The following ADAM10 variants were observed in gnomAD, a reference collection of about 807,000 sequenced individuals.
ADAM10 encodes ADAM metallopeptidase domain 10, also known as disintegrin and metalloproteinase domain-containing protein 10.
ADAM10 carries 17 observed loss-of-function variants against 90.1 expected under a neutral mutation model. The ratio of observed to expected loss-of-function variants is 0.19; its 90% CI spans 0.13 to 0.28. ADAM10 has a LOEUF of 0.28. ADAM10 is among the 10% of genes least tolerant of loss of function. ADAM10 has a pLI of 1.00. For synonymous variants in ADAM10, 310 were observed against 298.6 expected (o/e 1.04, Z -0.40); for missense variants, 610 against 914.3 (o/e 0.67, Z 4.29).
chr15:58,740,646 C>G (rs1899582244), intron 1 of ADAM10, among the ~76,000 whole-genome samples: 1 of 152,148 alleles, frequency 6.6e-6, no homozygotes, highest in Non-Finnish European at 1.5e-5. Flanking sequence ...CTAAACTAAT[C>G]CTCCGAGCTT....
At chr15:58,662,479 C>T (rs991246665) in intron 5 of ADAM10, among the ~76,000 whole-genome samples, 1 of 152,230 alleles carries the variant, frequency 6.6e-6, no homozygotes, top group East Asian at 1.9e-4. Context: ...ACTACAGATG[C>T]TCATCACCAC....
At chr15:58,658,074 T>G (rs1896876594) in intron 5 of ADAM10, among the ~76,000 whole-genome samples, 1 of 152,164 alleles carries the variant, frequency 6.6e-6, no homozygotes, top group Non-Finnish European at 1.5e-5. Flanking sequence ...CATAGGGAAT[T>G]TTTGTGCCTT....
intron 6 of ADAM10, among the ~76,000 whole-genome samples, chr15:58,644,484 C>T (rs1015356107): frequency 3.9e-5 from 6 of 152,184 alleles, no homozygotes; most frequent in Admixed American, 3.9e-4. Context: ...CCACCTGGGC[C>T]TCCCAAAGTG....
At chr15:58,735,545 A>G (rs1899401991) in intron 1 of ADAM10, among the ~76,000 whole-genome samples, 1 of 152,210 alleles carries the variant, frequency 6.6e-6, no homozygotes, top group African/African-American at 2.4e-5. Flanking sequence ...TATATTTTAA[A>G]TAATCTCTAG....
chr15:58,719,540 G>C (rs1224488264), intron 1 of ADAM10, among the ~76,000 whole-genome samples: 4 of 152,058 alleles, frequency 2.6e-5, no homozygotes, highest in Non-Finnish European at 5.9e-5. Context: ...TAAATTCTGT[G>C]ATCCAACACT....
intron 8 of ADAM10, among the ~76,000 whole-genome samples, chr15:58,639,889 T>C (rs1320492991): frequency 6.9e-6 from 1 of 145,428 alleles, no homozygotes; most frequent in Non-Finnish European, 1.5e-5. Context: ...AAAGCAGAAG[T>C]TTTTTTTAAA....
At chr15:58,622,345 G>A (rs1205173678) in intron 10 of ADAM10, among the ~76,000 whole-genome samples, 2 of 152,108 alleles carry the variant, frequency 1.3e-5, no homozygotes, top group Non-Finnish European at 2.9e-5. Context: ...TTGTTGCTGT[G>A]AATCAAGTTT....
At chr15:58,689,767 C>G (rs1346175893) in intron 2 of ADAM10, among the ~76,000 whole-genome samples, 2 of 151,718 alleles carry the variant, frequency 1.3e-5, no homozygotes, top group Non-Finnish European at 2.9e-5. Flanking sequence ...TATAGAAAAT[C>G]TGAATAAGCC....
chr15:58,749,359 G>C (rs1370556347), intron 1 of ADAM10, 121 bp downstream of exon 1: 1 of 1,185,444 alleles, frequency 8.4e-7, no homozygotes. Flanking sequence ...CCGCCAGAGT[G>C]GCGCCGCTGG....
At chr15:58,612,160 A>T (rs1236187447) in intron 11 of ADAM10, among the ~76,000 whole-genome samples, 169 bp from the exon 12 acceptor site, 1 of 152,156 alleles carries the variant, frequency 6.6e-6, no homozygotes, top group Non-Finnish European at 1.5e-5. Context: ...AAAAAACTGA[A>T]ACCGCACACC....
Position 58,682,181 on chromosome 15 carries a change from T to A in ADAM10, c.325+15A>T, listed in dbSNP as rs1361219208. 1 of 1,610,828 alleles carries A rather than the reference T, an allele frequency of 6.2e-7. No homozygotes were observed. The highest frequency in any genetic ancestry group is 1.3e-5 in the African/African-American group (1 of 74,842). On this transcript the variant is annotated intron_variant, in intron 3 of 15. Transcript: ENST00000260408. ...AAAAAATGGAAGAAAAGGGTTCTGTTAAGGTCCAACTTACCATAAATATGT... is the reference window on the plus strand; with the variant it reads ...AAAAAATGGAAGAAAAGGGTTCTGTAAAGGTCCAACTTACCATAAATATGT...
intron 2 of ADAM10, among the ~76,000 whole-genome samples, chr15:58,709,431 A>G (rs1461287844): frequency 6.6e-6 from 1 of 152,132 alleles, no homozygotes; most frequent in Non-Finnish European, 1.5e-5. Flanking sequence ...AACTCTAGAA[A>G]CTCTGGCATT....
At position 58,734,960 on chromosome 15, in the gene ADAM10, C is replaced by T. The variant is rs112056817; in HGVS notation, c.55+14520G>A. ...CTTCAACCCTTGTACTGCTTACTAC[C>T]TCAGTCAGACATCACAAAATTGCCT... On this transcript the variant is annotated intron_variant, in intron 1 of 15. Transcript: ENST00000260408. Among the ~76,000 whole-genome samples, 528 of 152,290 alleles carry T rather than the reference C, an allele frequency of 3.5e-3. 5 individuals carry two copies. Among genetic ancestry groups the T allele is most frequent in the African/African-American group, 0.012 (507 of 41,560 alleles).
chr15:58,623,266 A>T (rs1299747680), intron 10 of ADAM10, among the ~76,000 whole-genome samples: 1 of 152,224 alleles, frequency 6.6e-6, no homozygotes, highest in African/African-American at 2.4e-5. Flanking sequence ...CCCAGAAGAA[A>T]GGATCTGGGA....
At chr15:58,625,375 A>G (rs2140663398) in intron 10 of ADAM10, among the ~76,000 whole-genome samples, 1 of 152,364 alleles carries the variant, frequency 6.6e-6, no homozygotes, top group South Asian at 2.1e-4. Flanking sequence ...ATCAAAGATG[A>G]TTTATAAATG....
chr15:58,589,323 C>A lies in ADAM10; in HGVS notation c.*8224G>T, dbSNP rs1894778063. The A allele has an allele frequency of 6.6e-6, 1 of 152,238 alleles. No homozygotes were observed. Among genetic ancestry groups the A allele is most frequent in the African/African-American group, 2.4e-5 (1 of 41,464 alleles). The allele number at this position is 152,238 out of a possible 1,614,324, so 9.4% of individuals were successfully genotyped here. On this transcript the variant is annotated 3_prime_UTR_variant, in exon 16 of 16. Transcript: ENST00000260408. ...CAACTGCCCCATGGTTACATCATTT[C>A]TAAAAGCTTGTGACAGCAGCTTGGA...
At position 58,597,516 on chromosome 15, in the gene ADAM10, G is replaced by A. The variant is rs2140984666; in HGVS notation, c.*31C>T. ...TTGGAGTGAAGTTTTCCCATTGTAG[G>A]CACTAGGAAGAACCAAGGCAAAAGC... On this transcript the variant is annotated 3_prime_UTR_variant, in exon 16 of 16. Coordinates refer to ENST00000260408, the MANE Select transcript of ADAM10 (RefSeq NM_001110.4). The A allele has an allele frequency of 6.2e-7, 1 of 1,613,942 alleles. No homozygotes were observed. The highest frequency in any genetic ancestry group is 8.5e-7 in the Non-Finnish European group (1 of 1,179,984).
chr15:58,730,270 G>A (rs1197258754), intron 1 of ADAM10, among the ~76,000 whole-genome samples: 5 of 152,180 alleles, frequency 3.3e-5, no homozygotes, highest in African/African-American at 1.2e-4. Context: ...GCAATATACT[G>A]AGTAGAAAAA....
chr15:58,594,004 G>A lies in ADAM10; in HGVS notation c.*3543C>T, dbSNP rs553906075. 2.6e-5 allele frequency: 4 copies of A among 152,304 alleles called. No homozygotes were observed. The highest frequency in any genetic ancestry group is 4.8e-5 in the African/African-American group (2 of 41,578). 9.4% of individuals were successfully genotyped at this position (152,304 alleles called of 1,614,324 possible). A position where few individuals can be genotyped will look rare whatever the true frequency, so the allele number is the denominator to read the frequency against. On this transcript the variant is annotated 3_prime_UTR_variant, in exon 16 of 16. Transcript: ENST00000260408. ...TTGTTTTTAATCAAGAACACAACAT[G>A]AGAGATGCTGAAACTGAAGTTGTCC... is the stretch of plus-strand genomic sequence containing the variant.
Sources: allele counts gnomAD v4.1 joint callset (sites outside exome capture counted in the v4.1 genomes callset), GRCh38; gene constraint gnomAD v4.1.1; transcripts MANE v1.5; gene names NCBI Gene and HGNC (gene_info 2026-07-23, HGNC 2026-07-21).